Variants in ENTREP2 observed in about 807,000 individuals in gnomAD.
The protein encoded by ENTREP2 is endosomal transmembrane epsin interactor 2, also known as protein ENTREP2.
At chr15:29,160,511 C>T in the ENTREP2 span, among the ~76,000 whole-genome samples, 2 of 151,982 alleles carry the variant, frequency 1.3e-5, no homozygotes, top group Non-Finnish European at 2.9e-5. Context: ...GAGTTTGAAA[C>T]CAGCCTGGCC....
At chr15:29,345,665 C>T in the ENTREP2 span, among the ~76,000 whole-genome samples, 1 of 151,956 alleles carries the variant, frequency 6.6e-6, no homozygotes, top group Non-Finnish European at 1.5e-5. Context: ...GATAACACCC[C>T]CCAGGGATTC....
At chr15:29,632,378 T>C in the ENTREP2 span, among the ~76,000 whole-genome samples, 1 of 152,262 alleles carries the variant, frequency 6.6e-6, no homozygotes, top group African/African-American at 2.4e-5. Flanking sequence ...GTCTTTTATT[T>C]TGTAGCTAGA....
the ENTREP2 span, among the ~76,000 whole-genome samples, chr15:29,433,080 C>T: frequency 6.6e-6 from 1 of 152,228 alleles, no homozygotes; most frequent in Non-Finnish European, 1.5e-5. Context: ...AATCACACCA[C>T]TGCCCTCTCA....
chr15:29,629,839 G>A, the ENTREP2 span, among the ~76,000 whole-genome samples: 1 of 152,070 alleles, frequency 6.6e-6, no homozygotes, highest in Non-Finnish European at 1.5e-5. Flanking sequence ...AGATTTGGCT[G>A]GGCATGGTGG....
chr15:29,593,446 C>G, the ENTREP2 span, among the ~76,000 whole-genome samples: 42 of 152,282 alleles, frequency 2.8e-4, no homozygotes, highest in African/African-American at 9.4e-4. Context: ...CTCTTGACTC[C>G]TCCTCTGTAT....
At chr15:29,674,089 G>A in the ENTREP2 span, among the ~76,000 whole-genome samples, 1 of 150,016 alleles carries the variant, frequency 6.7e-6, no homozygotes, top group African/African-American at 2.5e-5. Context: ...CTGCCTCCCA[G>A]GGTGTGTGGG....
the ENTREP2 span, among the ~76,000 whole-genome samples, chr15:29,528,588 CAG>C: frequency 6.6e-6 from 1 of 152,158 alleles, no homozygotes; most frequent in Non-Finnish European, 1.5e-5. Context: ...GATGTAAAAA[CAG>C]AGCCCCTGAA....
chr15:29,501,205 G>A, the ENTREP2 span, among the ~76,000 whole-genome samples: 1 of 152,106 alleles, frequency 6.6e-6, no homozygotes, highest in East Asian at 1.9e-4. Context: ...TTCATTCTGT[G>A]GAAGTGAAAC....
chr15:29,426,560 C>T, the ENTREP2 span, among the ~76,000 whole-genome samples: 1 of 152,172 alleles, frequency 6.6e-6, no homozygotes, highest in Admixed American at 6.5e-5. Flanking sequence ...TCTCATTCCT[C>T]TCAGTTGAAA....
chr15:29,356,990 A>G, the ENTREP2 span, among the ~76,000 whole-genome samples: 1 of 152,172 alleles, frequency 6.6e-6, no homozygotes, highest in Non-Finnish European at 1.5e-5. Flanking sequence ...GTTGTACAGG[A>G]ACTACCAAAG....
the ENTREP2 span, among the ~76,000 whole-genome samples, chr15:29,440,500 A>G: frequency 6.6e-6 from 1 of 152,252 alleles, no homozygotes. Flanking sequence ...CGTTTCCAAC[A>G]TTAGCATGAA....
chr15:29,242,740 G>A, the ENTREP2 span, among the ~76,000 whole-genome samples: 36 of 152,310 alleles, frequency 2.4e-4, no homozygotes, highest in African/African-American at 8.7e-4. Flanking sequence ...GAATGATGGG[G>A]AAATGTCAGG....
chr15:29,549,206 T>C, the ENTREP2 span, among the ~76,000 whole-genome samples: 2 of 152,144 alleles, frequency 1.3e-5, no homozygotes, highest in East Asian at 1.9e-4. Flanking sequence ...TCCCTGGTTC[T>C]GAGGGCTGCC....
the ENTREP2 span, among the ~76,000 whole-genome samples, chr15:29,559,528 C>T: frequency 1.3e-5 from 2 of 152,136 alleles, no homozygotes; most frequent in Non-Finnish European, 2.9e-5. Context: ...GCAAATCAGT[C>T]TCACTGGGCT....
the ENTREP2 span, among the ~76,000 whole-genome samples, chr15:29,150,530 A>C: frequency 1.3e-5 from 2 of 152,312 alleles, no homozygotes; most frequent in East Asian, 3.9e-4. Context: ...TTTCCTTTAC[A>C]GAACACGTTG....
chr15:29,478,444 C>T, the ENTREP2 span, among the ~76,000 whole-genome samples: 3 of 152,146 alleles, frequency 2.0e-5, no homozygotes, highest in South Asian at 2.1e-4. Context: ...CTTTAAAGTG[C>T]GTGTGTGATG....
chr15:29,449,471 T>C, the ENTREP2 span, among the ~76,000 whole-genome samples: 1 of 152,170 alleles, frequency 6.6e-6, no homozygotes, highest in Admixed American at 6.5e-5. Flanking sequence ...CAGGCACAAA[T>C]ACCTACCCTT....
At chr15:29,143,168 C>A in the ENTREP2 span, among the ~76,000 whole-genome samples, 1 of 152,208 alleles carries the variant, frequency 6.6e-6, no homozygotes, top group African/African-American at 2.4e-5. Context: ...CCCACCAGCA[C>A]TGGACACATA....
the ENTREP2 span, among the ~76,000 whole-genome samples, chr15:29,182,108 A>T: frequency 0.38 from 57,255 of 151,690 alleles, 11,022 homozygotes; most frequent in East Asian, 0.55. Context: ...AGAATAAAAA[A>T]TTTAAAGTAA....
Sources: gnomAD v4.1 joint callset for allele counts (sites outside exome capture counted in the v4.1 genomes callset) on GRCh38, gnomAD v4.1.1 for gene constraint, MANE v1.5 for transcripts, NCBI Gene and HGNC (gene_info 2026-07-23, HGNC 2026-07-21) for gene names.